Variants in TNIK observed in about 807,000 individuals in gnomAD.
TNIK encodes the protein TRAF2 and NCK interacting kinase.
In TNIK, 49 loss-of-function variants were observed where a neutral mutation model predicts 191.3. That is an observed-to-expected ratio of 0.26 (90% CI 0.20 to 0.32). TNIK has a LOEUF of 0.32. Among genes scored for constraint, TNIK ranks in the 10% least tolerant of loss-of-function variants. The probability of loss-of-function intolerance (pLI) is 1.00; values close to 1 mark genes in which losing one functional copy is unlikely to be tolerated. For synonymous variants in TNIK, 594 were observed against 600.9 expected, an observed-to-expected ratio of 0.99 and a Z score of 0.17; for missense variants, 1,155 against 1,702.3, an observed-to-expected ratio of 0.68 and a Z score of 5.66.
intron 3 of TNIK, among the ~76,000 whole-genome samples, chr3:171,217,799 G>C (rs1227962383): frequency 2.6e-5 from 4 of 152,094 alleles, no homozygotes; most frequent in Non-Finnish European, 4.4e-5. Flanking sequence ...CTAAGTTTAA[G>C]CTGAGTTTTT....
At chr3:171,087,310 A>T in intron 24 of TNIK, 32 bp downstream of exon 24, 1 of 1,612,602 alleles carries the variant, frequency 6.2e-7, no homozygotes. Flanking sequence ...AGGACAGCAG[A>T]ACTGTCATGT....
chr3:171,178,923 A>C (rs1396946772), intron 7 of TNIK, among the ~76,000 whole-genome samples: 1 of 152,174 alleles, frequency 6.6e-6, no homozygotes, highest in Non-Finnish European at 1.5e-5. Context: ...GTCACTCCCC[A>C]GAACTAAGTT....
chr3:171,128,825 C>T lies in TNIK; in HGVS notation c.1662G>A (p.Lys554=). The change falls in exon 16 of 33, where the codon AAG becomes AAA. Residue 554 remains lysine (K), a synonymous_variant. Coordinates refer to ENST00000436636, the MANE Select transcript of TNIK (RefSeq NM_015028.4). Reference sequence around the variant, plus strand: ...TGGGGTCAGATATCCTGTTGGCAACCTTGTGAGGCATGGCAGGGGAACTTT... The same window carrying T: ...TGGGGTCAGATATCCTGTTGGCAACTTTGTGAGGCATGGCAGGGGAACTTT... ...NRQSSPAMPH[K]VANRISDPNL... 6.3e-7 allele frequency: 1 copy of T among 1,591,888 alleles called. No individual in the cohort carries two copies. The highest frequency in any genetic ancestry group is 8.5e-7 in the Non-Finnish European group (1 of 1,171,580).
intron 1 of TNIK, among the ~76,000 whole-genome samples, chr3:171,390,154 G>A (rs917504619): frequency 5.3e-5 from 8 of 152,160 alleles, no homozygotes; most frequent in Admixed American, 1.3e-4. Context: ...TTTGTGGCAC[G>A]AATTTACCAA....
intron 1 of TNIK, among the ~76,000 whole-genome samples, chr3:171,415,083 C>T (rs1281359008): frequency 6.6e-6 from 1 of 152,178 alleles, no homozygotes; most frequent in Non-Finnish European, 1.5e-5. Context: ...CGCTGCCTGG[C>T]TCTTTCTCAG....
rs76148879 is a variant in TNIK at position 171,157,743 on chromosome 3, G to A, written c.1017-79C>T. The A allele has an allele frequency of 3.0e-3, 4,165 of 1,405,744 alleles. 108 individuals are homozygous for A. The African/African-American group carries it at 0.052, about 18-fold the overall frequency. The allele number at this position is 1,405,744 out of a possible 1,614,324, so 87.1% of individuals were successfully genotyped here. ...CCAAGAGGCCTTGGAGGAGGAAAGCGGGACAAATGATTCACCCACACACAG... is the reference window on the plus strand; with the variant it reads ...CCAAGAGGCCTTGGAGGAGGAAAGCAGGACAAATGATTCACCCACACACAG... On this transcript the variant is annotated intron_variant, in intron 11 of 32. Transcript: ENST00000436636.
At chr3:171,248,374 C>A (rs1414047470) in intron 2 of TNIK, among the ~76,000 whole-genome samples, 1 of 152,082 alleles carries the variant, frequency 6.6e-6, no homozygotes, top group Non-Finnish European at 1.5e-5. Context: ...CTGTGCAGCC[C>A]AAATGCAGAA....
At position 171,082,848 on chromosome 3, in the gene TNIK, A is replaced by G. The variant is rs199850292; in HGVS notation, c.3170-454T>C. Reference sequence around the variant, plus strand: ...GTGGAATTTCCATTTCCATACTCCAATGGAAGAAAGGCCCTTCCTCCTTCT... The same window carrying G: ...GTGGAATTTCCATTTCCATACTCCAGTGGAAGAAAGGCCCTTCCTCCTTCT... On this transcript the variant is annotated intron_variant, in intron 26 of 32. Transcript: ENST00000436636. 1.5e-3 allele frequency among the ~76,000 whole-genome samples: 229 copies of G among 152,264 alleles called. 1 individual carries two copies. The highest frequency in any genetic ancestry group is 5.3e-3 in the African/African-American group (220 of 41,558).
intron 1 of TNIK, among the ~76,000 whole-genome samples, chr3:171,419,038 T>C (rs1172165574): frequency 5.3e-5 from 8 of 152,168 alleles, no homozygotes; most frequent in African/African-American, 1.7e-4. Flanking sequence ...GTGTCTCTTC[T>C]TATAAGTATA....
At position 171,062,340 on chromosome 3, in the gene TNIK, A is replaced by G. The variant is rs974803827; in HGVS notation, c.*1541T>C. Reference sequence around the variant, plus strand: ...CCTGAGATTGCCGGTTGAGCTCTCTATATGTCTCCTGGAGATAACACTGCT... The same window carrying G: ...CCTGAGATTGCCGGTTGAGCTCTCTGTATGTCTCCTGGAGATAACACTGCT... On this transcript the variant is annotated 3_prime_UTR_variant, in exon 33 of 33. Transcript: ENST00000436636. The G allele has an allele frequency of 1.3e-5, 2 of 152,196 alleles. No individual in the cohort carries two copies. The highest frequency in any genetic ancestry group is 2.9e-5 in the Non-Finnish European group (2 of 68,026). The allele number at this position is 152,196 out of a possible 1,614,324, so 9.4% of individuals were successfully genotyped here.
At chr3:171,212,083 T>C (rs968067471) in intron 3 of TNIK, among the ~76,000 whole-genome samples, 3 of 152,124 alleles carry the variant, frequency 2.0e-5, no homozygotes, top group Non-Finnish European at 1.5e-5. Context: ...CTCAGGATAA[T>C]TTTTTAGGTG....
chr3:171,236,567 T>A (rs1167914757), intron 2 of TNIK, among the ~76,000 whole-genome samples: 1 of 152,164 alleles, frequency 6.6e-6, no homozygotes, highest in Non-Finnish European at 1.5e-5. Flanking sequence ...GTCCAGACGC[T>A]GCCCTGCCAA....
At chr3:171,318,102 C>A (rs1304379555) in intron 2 of TNIK, among the ~76,000 whole-genome samples, 2 of 152,094 alleles carry the variant, frequency 1.3e-5, no homozygotes, top group African/African-American at 4.8e-5. Flanking sequence ...TGTCTCCACC[C>A]CAACCCTATG....
At chr3:171,386,324 G>A (rs1161010716) in intron 1 of TNIK, among the ~76,000 whole-genome samples, 2 of 152,260 alleles carry the variant, frequency 1.3e-5, no homozygotes, top group Middle Eastern at 3.4e-3. Flanking sequence ...ATTCAACCAC[G>A]GCATATCTTT....
chr3:171,312,007 C>A (rs1754068787), intron 2 of TNIK, among the ~76,000 whole-genome samples: 1 of 150,460 alleles, frequency 6.6e-6, no homozygotes, highest in Non-Finnish European at 1.5e-5. Context: ...GCCTGCCCAC[C>A]CACCACAAAT....
intron 1 of TNIK, among the ~76,000 whole-genome samples, chr3:171,420,180 A>G (rs1438142525): frequency 6.6e-6 from 1 of 152,222 alleles, no homozygotes; most frequent in Non-Finnish European, 1.5e-5. Flanking sequence ...GACAGGCCCA[A>G]CTGTCCCTGG....
intron 12 of TNIK, among the ~76,000 whole-genome samples, chr3:171,149,314 G>C (rs985209170): frequency 7.2e-5 from 11 of 152,194 alleles, no homozygotes; most frequent in Non-Finnish European, 1.2e-4. Flanking sequence ...CCAAGGATCA[G>C]CAACTGCCTA....
At chr3:171,118,227 A>T (rs1255472387) in intron 18 of TNIK, among the ~76,000 whole-genome samples, 2 of 152,222 alleles carry the variant, frequency 1.3e-5, no homozygotes, top group African/African-American at 4.8e-5. Context: ...AATCCAACTT[A>T]CAAGGGACGT....
intron 3 of TNIK, among the ~76,000 whole-genome samples, chr3:171,225,302 C>G (rs898652700): frequency 1.3e-5 from 2 of 152,202 alleles, no homozygotes; most frequent in Non-Finnish European, 2.9e-5. Flanking sequence ...ACAAAAGTCT[C>G]TTGATGCCAC....
Sources: gnomAD v4.1 joint callset for allele counts (sites outside exome capture counted in the v4.1 genomes callset) on GRCh38, gnomAD v4.1.1 for gene constraint, MANE v1.5 for transcripts, NCBI Gene and HGNC (gene_info 2026-07-23, HGNC 2026-07-21) for gene names.